CHD6: variants seen among roughly 807,000 people sequenced by gnomAD.
CHD6 encodes chromodomain helicase DNA binding protein 6.
In CHD6, 50 loss-of-function variants were observed where a neutral mutation model predicts 276.9. The observed-to-expected ratio is 0.18, with a 90% CI of 0.14 to 0.23. The LOEUF is 0.23. Among genes scored for constraint, CHD6 ranks in the 10% least tolerant of loss-of-function variants. CHD6 has a pLI of 1.00. For synonymous variants in CHD6, 1,173 were observed against 1,229.3 expected (o/e 0.95, Z 0.96); for missense variants, 2,564 against 3,365.8 (o/e 0.76, Z 5.89).
chr20:41,594,437 A>G (rs2045697100), intron 1 of CHD6, among the ~76,000 whole-genome samples: 1 of 152,198 alleles, frequency 6.6e-6, no homozygotes, highest in South Asian at 2.1e-4. Context: ...ACACCTCCAC[A>G]TCTGTGCACG....
chr20:41,498,246 G>C lies in CHD6; in HGVS notation c.916-20C>G. ...GTGAACCTGTAACAAACAGCAAGCA[G>C]TTATCAGCCCAGATCCCAGGCAGAT... On this transcript the variant is annotated intron_variant, in intron 6 of 36. Coordinates refer to ENST00000373233, the MANE Select transcript of CHD6 (RefSeq NM_032221.5). 6.2e-7 allele frequency: 1 copy of C among 1,602,346 alleles called. No homozygotes were observed. The highest frequency in any genetic ancestry group is 8.5e-7 in the Non-Finnish European group (1 of 1,172,624).
intron 1 of CHD6, among the ~76,000 whole-genome samples, chr20:41,578,932 C>T (rs992173836): frequency 2.6e-5 from 4 of 151,096 alleles, no homozygotes; most frequent in African/African-American, 4.9e-5. Flanking sequence ...GAGTTCGAGA[C>T]CAGCCTGGCT....
At chr20:41,611,390 C>T (rs572602716) in intron 1 of CHD6, among the ~76,000 whole-genome samples, 3 of 152,262 alleles carry the variant, frequency 2.0e-5, no homozygotes, top group Admixed American at 6.5e-5. Context: ...TTCTCATCCT[C>T]GGTCATACTA....
intron 1 of CHD6, among the ~76,000 whole-genome samples, chr20:41,556,563 T>C (rs1034082440): frequency 5.3e-5 from 8 of 152,098 alleles, no homozygotes; most frequent in Non-Finnish European, 7.4e-5. Flanking sequence ...ACATCAGCCT[T>C]GGCTAGCCTC....
intron 3 of CHD6, among the ~76,000 whole-genome samples, chr20:41,521,403 T>C (rs1000351043): frequency 2.0e-5 from 3 of 152,192 alleles, no homozygotes; most frequent in Non-Finnish European, 4.4e-5. Flanking sequence ...AACGTATTGA[T>C]GTTGGGAACT....
intron 1 of CHD6, among the ~76,000 whole-genome samples, chr20:41,563,371 T>C (rs1282528163): frequency 2.0e-5 from 3 of 152,228 alleles, no homozygotes; most frequent in Non-Finnish European, 4.4e-5. Flanking sequence ...CCTATGTTGC[T>C]ATAATTCCTA....
chr20:41,494,698 T>G (rs2145879198), intron 8 of CHD6, among the ~76,000 whole-genome samples: 1 of 152,216 alleles, frequency 6.6e-6, no homozygotes, highest in Middle Eastern at 3.4e-3. Flanking sequence ...CCTCCAGGAG[T>G]GCTGAAGAGC....
At chr20:41,610,279 T>C (rs2045872903) in intron 1 of CHD6, among the ~76,000 whole-genome samples, 1 of 152,114 alleles carries the variant, frequency 6.6e-6, no homozygotes, top group South Asian at 2.1e-4. Context: ...AGTTTAAAAT[T>C]TGTATTCCCC....
chr20:41,487,751 T>C lies in CHD6; in HGVS notation c.1915A>G (p.Ser639Gly). 2 of 1,611,616 alleles carry C rather than the reference T, an allele frequency of 1.2e-6. No individual in the cohort carries two copies. Among genetic ancestry groups the C allele is most frequent in the Non-Finnish European group, 1.7e-6 (2 of 1,179,366 alleles). ...PLQNSVEELF[S>G]LLNFLEPSQF... ...GATGGCTCCAGAAAATTTAACAAACTGAAGAGCTCCTCCACAGAGTTCTGC... is the reference window on the plus strand; with the variant it reads ...GATGGCTCCAGAAAATTTAACAAACCGAAGAGCTCCTCCACAGAGTTCTGC... Residue 639 changes from serine (S) to glycine (G), a missense_variant, in exon 14 of 37, where the codon AGT (serine) becomes GGT (glycine). Transcript: ENST00000373233.
chr20:41,431,776 C>CTTT (rs61227802), intron 27 of CHD6, among the ~76,000 whole-genome samples: 19 of 104,770 alleles, frequency 1.8e-4, no homozygotes, highest in African/African-American at 4.5e-4. Flanking sequence ...AAAAAACATG[C>CTTT]TTTTTTTTTT....
At chr20:41,466,090 T>G (rs1037511142) in intron 17 of CHD6, among the ~76,000 whole-genome samples, 6 of 152,144 alleles carry the variant, frequency 3.9e-5, no homozygotes, top group African/African-American at 1.4e-4. Context: ...TAATTCCAAC[T>G]ACTTCGGAGG....
In CHD6 at chr20:41,613,382, T is replaced by C. The variant is rs112507653; in HGVS notation, c.-24+4958A>G. On this transcript the variant is annotated intron_variant, in intron 1 of 36. Coordinates refer to ENST00000373233, the MANE Select transcript of CHD6 (RefSeq NM_032221.5). The stretch of plus-strand genomic sequence containing the variant: ...TGCCATGGCCTCCCCTCTAGTCCCA[T>C]CTGCAGAGGCAGATGTGTGAAAAAG... 7.6e-3 allele frequency among the ~76,000 whole-genome samples: 1,152 copies of C among 152,328 alleles called. 18 individuals carry two copies. The highest frequency in any genetic ancestry group is 0.026 in the African/African-American group (1,089 of 41,578).
At chr20:41,465,033 C>T (rs951333107) in intron 17 of CHD6, among the ~76,000 whole-genome samples, 1 of 152,032 alleles carries the variant, frequency 6.6e-6, no homozygotes, top group African/African-American at 2.4e-5. Context: ...AGGACAACTT[C>T]GTTATAATAG....
chr20:41,422,699 G>GTT (rs1460459126), intron 30 of CHD6, among the ~76,000 whole-genome samples: 1 of 152,166 alleles, frequency 6.6e-6, no homozygotes, highest in Non-Finnish European at 1.5e-5. Flanking sequence ...CAAGGATAAG[G>GTT]AAATTGGCTC....
In CHD6 at chr20:41,421,683, G is replaced by C. The variant is rs770361577; in HGVS notation, c.4952C>G (p.Thr1651Ser). Residue 1651 changes from threonine (T) to serine (S), a missense_variant, in exon 31 of 37, where the codon ACT (threonine) becomes AGT (serine). This residue lies in a region of CHD6 where 1,024 missense variants were observed against 1,047.9 expected (regional missense o/e 0.98). Coordinates refer to ENST00000373233, the MANE Select transcript of CHD6 (RefSeq NM_032221.5). ...AGGTTCATTTTCAAGGGACTCTGAA[G>C]TCCTACTCATTTGAGAATATGTAAG... ...ESLTYSQMSRTSESLENEPEN... is the reference protein window; with the variant it reads ...ESLTYSQMSRSSESLENEPEN... The C allele has an allele frequency of 1.2e-6, 2 of 1,613,658 alleles. No homozygotes were observed. The highest frequency in any genetic ancestry group is 1.7e-6 in the Non-Finnish European group (2 of 1,179,760).
At chr20:41,498,277 T>C in intron 6 of CHD6, 51 bp from the exon 7 acceptor site, 2 of 1,317,820 alleles carry the variant, frequency 1.5e-6, no homozygotes, top group Middle Eastern at 3.7e-4. Context: ...CAGATCACCC[T>C]TACTGAGCCA....
Position 41,403,663 on chromosome 20 carries a change from T to C in CHD6, c.*930A>G. 1 of 1,060,680 alleles carries C rather than the reference T, an allele frequency of 9.4e-7. No homozygotes were observed. Among genetic ancestry groups the C allele is most frequent in the African/African-American group, 1.6e-5 (1 of 60,900 alleles). 65.7% of individuals were successfully genotyped at this position (1,060,680 alleles called of 1,614,324 possible). A position where few individuals can be genotyped will look rare whatever the true frequency, so the allele number is the denominator to read the frequency against. ...CTTGCAGGCTCCAGAAAGAACCTTA[T>C]TCTTGGTGAAGGAAAGCCTGAAGTG... On this transcript the variant is annotated 3_prime_UTR_variant, in exon 37 of 37. Transcript: ENST00000373233.
chr20:41,467,019 C>A (rs1004591265), intron 17 of CHD6, among the ~76,000 whole-genome samples: 3 of 152,144 alleles, frequency 2.0e-5, no homozygotes, highest in African/African-American at 7.2e-5. Context: ...GCCAGTGGAG[C>A]AGAAAGACAG....
At chr20:41,596,985 G>A (rs73613228) in intron 1 of CHD6, among the ~76,000 whole-genome samples, 4,256 of 152,216 alleles carry the variant, frequency 0.028, 70 homozygotes, top group South Asian at 0.054. Flanking sequence ...CAAAGTACCC[G>A]AGGGTCCAAA....
Sources: gnomAD v4.1 joint callset for allele counts (sites outside exome capture counted in the v4.1 genomes callset) on GRCh38, gnomAD v4.1.1 for gene constraint, gnomAD v4.1.1 regional missense constraint, MANE v1.5 for transcripts, NCBI Gene and HGNC (gene_info 2026-07-23, HGNC 2026-07-21) for gene names.